Variants in PLEKHA5 observed in about 807,000 individuals in gnomAD.
The protein encoded by PLEKHA5 is pleckstrin homology domain-containing family A member 5.
In PLEKHA5, 55 loss-of-function variants were observed where a neutral mutation model predicts 181.9. The ratio of observed to expected loss-of-function variants is 0.30; its 90% CI spans 0.24 to 0.38. The LOEUF (loss-of-function observed/expected upper bound fraction) is 0.38, where lower values mean the gene tolerates loss of function less well. PLEKHA5 is among the 10% of genes least tolerant of loss of function. The pLI is 1.00. For missense variants in PLEKHA5, 1,432 were observed against 1,549.5 expected (o/e 0.92, Z 1.27); for synonymous variants, 535 against 529.4 (o/e 1.01, Z -0.15).
intron 28 of PLEKHA5, among the ~76,000 whole-genome samples, 166 bp from the exon 29 acceptor site, chr12:19,361,416 C>T (rs929835241): frequency 6.6e-6 from 1 of 152,150 alleles, no homozygotes; most frequent in African/African-American, 2.4e-5. Context: ...ATCTCCTGAC[C>T]TCGTGATCCG....
At chr12:19,195,365 A>G (rs921625693) in intron 3 of PLEKHA5, among the ~76,000 whole-genome samples, 2 of 116,572 alleles carry the variant, frequency 1.7e-5, no homozygotes, top group Admixed American at 1.0e-4. Flanking sequence ...AACAATTGAT[A>G]TAGCACAAAA....
chr12:19,261,072 A>G (rs377651027), intron 7 of PLEKHA5, 51 bp downstream of exon 7: 5 of 971,182 alleles, frequency 5.1e-6, no homozygotes, highest in Admixed American at 1.8e-5. Flanking sequence ...GATATGTAAT[A>G]TAAGTTAAGT....
chr12:19,215,316 A>G (rs563617858), intron 3 of PLEKHA5, among the ~76,000 whole-genome samples: 16 of 152,312 alleles, frequency 1.1e-4, no homozygotes, highest in Non-Finnish European at 1.9e-4. Context: ...GTAAAATATA[A>G]AAATATGTTA....
chr12:19,142,520 C>G (rs2037681088), intron 3 of PLEKHA5, among the ~76,000 whole-genome samples: 1 of 152,106 alleles, frequency 6.6e-6, no homozygotes, highest in South Asian at 2.1e-4. Context: ...TGAATTTTTT[C>G]TCTGTGGAAA....
intron 3 of PLEKHA5, chr12:19,150,135 C>G (rs1591817510): frequency 3.3e-5 from 5 of 152,188 alleles, no homozygotes; most frequent in Admixed American, 3.3e-4. Context: ...TATATGTACT[C>G]CTTAGATTAT....
chr12:19,242,777 TCATCTCTTCTGAGTCAAG>T (rs2062911433), intron 3 of PLEKHA5, among the ~76,000 whole-genome samples: 1 of 152,218 alleles, frequency 6.6e-6, no homozygotes, highest in South Asian at 2.1e-4. Context: ...GGGGTTTAAG[TCATCTCTTCTGAGTCAAG>T]CAAGATTTTC....
At chr12:19,266,541 C>T (rs7956199) in intron 8 of PLEKHA5, among the ~76,000 whole-genome samples, 141,194 of 152,000 alleles carry the variant, frequency 0.93, 66,129 homozygotes, top group Non-Finnish European at 1. Context: ...CCTAGCACTT[C>T]AGGAGGCCGA....
chr12:19,360,502 G>T (rs2095183707), intron 28 of PLEKHA5, among the ~76,000 whole-genome samples: 1 of 151,754 alleles, frequency 6.6e-6, no homozygotes, highest in South Asian at 2.1e-4. Context: ...TACTTGGGAG[G>T]CTGAAGCAGG....
At chr12:19,149,291 G>A (rs921824704) in intron 3 of PLEKHA5, among the ~76,000 whole-genome samples, 5 of 151,760 alleles carry the variant, frequency 3.3e-5, no homozygotes, top group African/African-American at 1.2e-4. Context: ...TCACGAGGTC[G>A]GGAGATCGAG....
At chr12:19,266,040 G>T (rs146545463) in intron 8 of PLEKHA5, among the ~76,000 whole-genome samples, 190 bp downstream of exon 8, 10 of 152,082 alleles carry the variant, frequency 6.6e-5, no homozygotes, top group African/African-American at 2.2e-4. Context: ...AAATATTTAG[G>T]GGTCAAGTGT....
intron 15 of PLEKHA5, among the ~76,000 whole-genome samples, chr12:19,300,863 G>A (rs930184727): frequency 9.9e-5 from 15 of 151,500 alleles, no homozygotes; most frequent in African/African-American, 2.7e-4. Context: ...GGACGGGTGC[G>A]GTGGCTCACA....
intron 3 of PLEKHA5, among the ~76,000 whole-genome samples, chr12:19,166,696 GT>G (rs2044474658): frequency 6.6e-6 from 1 of 152,240 alleles, no homozygotes; most frequent in South Asian, 2.1e-4. Context: ...CTATAATAAT[GT>G]AGATAATGAT....
intron 2 of PLEKHA5, among the ~76,000 whole-genome samples, chr12:19,131,380 T>G (rs2033787387): frequency 6.6e-6 from 1 of 152,214 alleles, no homozygotes; most frequent in Non-Finnish European, 1.5e-5. Context: ...CATGATGAGC[T>G]TACATTTTTA....
chr12:19,356,513 CA>C (rs1386567417), intron 26 of PLEKHA5, among the ~76,000 whole-genome samples: 1 of 151,172 alleles, frequency 6.6e-6, no homozygotes, highest in African/African-American at 2.4e-5. Context: ...CAGCCTGTCT[CA>C]AAAAATAAAT....
At chr12:19,322,460 T>C in intron 19 of PLEKHA5, 58 bp from the exon 20 acceptor site, 1 of 1,572,196 alleles carries the variant, frequency 6.4e-7, no homozygotes, top group Non-Finnish European at 8.8e-7. Context: ...CACTGATAAG[T>C]AAAAAGAATT....
chr12:19,259,975 CT>C (rs578192519), intron 6 of PLEKHA5, among the ~76,000 whole-genome samples: 5 of 149,542 alleles, frequency 3.3e-5, no homozygotes, highest in African/African-American at 7.4e-5. Flanking sequence ...TTTCTTTTTT[CT>C]TTTTTTTTGG....
intron 3 of PLEKHA5, among the ~76,000 whole-genome samples, chr12:19,216,410 C>T (rs1278058915): frequency 1.3e-5 from 2 of 152,126 alleles, no homozygotes; most frequent in Non-Finnish European, 1.5e-5. Flanking sequence ...TGCCTGTAAT[C>T]CCAGCACTTT....
chr12:19,218,298 TCTC>T (rs1395548990), intron 3 of PLEKHA5, among the ~76,000 whole-genome samples: 1 of 152,142 alleles, frequency 6.6e-6, no homozygotes, highest in African/African-American at 2.4e-5. Flanking sequence ...CAAAATGTTT[TCTC>T]CTCCAGTGTT....
intron 29 of PLEKHA5, among the ~76,000 whole-genome samples, chr12:19,362,027 A>C (rs928467831): frequency 6.6e-6 from 1 of 151,804 alleles, no homozygotes; most frequent in Non-Finnish European, 1.5e-5. Context: ...TTAGCCAGGC[A>C]TGGTGGCATG....
Sources: gnomAD v4.1 joint callset for allele counts (sites outside exome capture counted in the v4.1 genomes callset) on GRCh38, gnomAD v4.1.1 for gene constraint, MANE v1.5 for transcripts, NCBI Gene and HGNC (gene_info 2026-07-23, HGNC 2026-07-21) for gene names.